Variants in ZNF75D observed in about 807,000 individuals in gnomAD.
ZNF75D encodes the protein zinc finger protein 75.
Under a neutral mutation model 33.3 loss-of-function variants are expected in ZNF75D, and 33 were observed. That is an observed-to-expected ratio of 0.99 (90% CI 0.75 to 1.32). The LOEUF (loss-of-function observed/expected upper bound fraction) is 1.32. Among genes scored for constraint, ZNF75D ranks in the 40% most tolerant of loss-of-function variants. The pLI is 0.00. For synonymous variants in ZNF75D, 113 were observed against 130.6 expected, an observed-to-expected ratio of 0.87 and a Z score of 0.92; for missense variants, 338 against 367.5, an observed-to-expected ratio of 0.92 and a Z score of 0.66.
At chrX:135,265,219 C>CAA (rs559739170) in intron 1 of ZNF75D, among the ~76,000 whole-genome samples, 2 of 48,690 alleles carry the variant, frequency 4.1e-5, no homozygotes. Context: ...AACTCTGTCT[C>CAA]AAAAAAAAAA....
chrX:135,328,114 T>C (rs902424468), intron 1 of ZNF75D, among the ~76,000 whole-genome samples: 5 of 111,872 alleles, frequency 4.5e-5, no homozygotes, highest in Non-Finnish European at 9.4e-5. Flanking sequence ...CTTTGTGTTT[T>C]TTATAGTGCT....
intron 1 of ZNF75D, among the ~76,000 whole-genome samples, chrX:135,340,281 C>T (rs1208269339): frequency 1.8e-5 from 2 of 112,196 alleles, no homozygotes; most frequent in Non-Finnish European, 3.8e-5. Flanking sequence ...TTATGGGTAT[C>T]ATTTTTAATC....
chrX:135,294,082 C>T lies in ZNF75D; in HGVS notation c.59G>A (p.Trp20Ter). Residue 20 changes from tryptophan (W) to a stop codon, truncating the protein, a stop_gained, in exon 3 of 7, where the codon TGG (tryptophan) becomes TAG (stop). Transcript: ENST00000370766. LOFTEE classifies it high-confidence loss of function. ...CTCTTTCACAGACCCACTAGTCTCCCACATAGCCCCCATCTGGGGGCTTGA... is the reference window on the plus strand; with the variant it reads ...CTCTTTCACAGACCCACTAGTCTCCTACATAGCCCCCATCTGGGGGCTTGA... ...SCSSPQMGAMWETSGSVKENS... is the reference protein window; with the variant it reads ...SCSSPQMGAM The T allele has an allele frequency of 8.3e-7, 1 of 1,207,213 alleles. No individual in the cohort carries two copies. The highest frequency in any genetic ancestry group is 1.7e-5 in the African/African-American group (1 of 57,621).
chrX:135,306,361 A>G (rs1469290599), intron 1 of ZNF75D, among the ~76,000 whole-genome samples: 1 of 109,669 alleles, frequency 9.1e-6, no homozygotes, highest in Non-Finnish European at 1.9e-5. Flanking sequence ...CTTTGTGACA[A>G]TTTGTGATTT....
At chrX:135,272,306 G>C (rs1340113216) in intron 1 of ZNF75D, among the ~76,000 whole-genome samples, 2 of 101,892 alleles carry the variant, frequency 2.0e-5, no homozygotes, top group African/African-American at 7.2e-5. Context: ...AGATTTTCCA[G>C]ATCTCCTTTT....
chrX:135,278,234 T>C (rs1229889144), intron 1 of ZNF75D, among the ~76,000 whole-genome samples: 1 of 111,516 alleles, frequency 9.0e-6, no homozygotes, highest in Non-Finnish European at 1.9e-5. Context: ...TCCTAGGTAT[T>C]TTATTCTCTT....
At chrX:135,332,667 A>G (rs1364252589) in intron 1 of ZNF75D, among the ~76,000 whole-genome samples, 1 of 112,329 alleles carries the variant, frequency 8.9e-6, no homozygotes, top group African/African-American at 3.2e-5. Context: ...AGTTTGTTAC[A>G]TACAAAGATA....
intron 1 of ZNF75D, among the ~76,000 whole-genome samples, chrX:135,337,324 C>T (rs2084724961): frequency 9.0e-6 from 1 of 111,130 alleles, no homozygotes; most frequent in Admixed American, 9.6e-5. Flanking sequence ...TAAGTGCATT[C>T]TTTCTGATTA....
At chrX:135,269,664 C>T (rs782777728) in intron 1 of ZNF75D, among the ~76,000 whole-genome samples, 3 of 111,104 alleles carry the variant, frequency 2.7e-5, no homozygotes, top group East Asian at 2.8e-4. Flanking sequence ...TAAATTACTA[C>T]AACTGCCATA....
At chrX:135,301,244 C>T (rs1556424575) in intron 1 of ZNF75D, among the ~76,000 whole-genome samples, 3 of 111,609 alleles carry the variant, frequency 2.7e-5, no homozygotes, top group South Asian at 7.5e-4. Context: ...TTCCCTCACT[C>T]AACATATGGG....
At chrX:135,311,543 T>C (rs1209595800) in intron 1 of ZNF75D, among the ~76,000 whole-genome samples, 2 of 112,764 alleles carry the variant, frequency 1.8e-5, no homozygotes, top group Non-Finnish European at 3.8e-5. Context: ...CATTTTTTTG[T>C]GTATGGTGAG....
In ZNF75D at chrX:135,286,467, A is replaced by G. The variant is rs1342672766; in HGVS notation, c.*670T>C. ...AAAGTCAGCAAGAGGAGAGATATCA[A>G]GTGCTTGCAAGGTCCCTAGGCCTGT... On this transcript the variant is annotated 3_prime_UTR_variant, in exon 7 of 7. Coordinates refer to ENST00000370766, the MANE Select transcript of ZNF75D (RefSeq NM_007131.5). 1.8e-5 allele frequency: 2 copies of G among 112,437 alleles called. No individual in the cohort carries two copies. Among genetic ancestry groups the G allele is most frequent in the Non-Finnish European group, 3.8e-5 (2 of 53,291 alleles). The allele number at this position is 112,437 out of a possible 1,213,427, so 9.3% of individuals were successfully genotyped here. A position where few individuals can be genotyped will look rare whatever the true frequency, so the allele number is the denominator to read the frequency against.
chrX:135,339,556 G>A (rs942729454), intron 1 of ZNF75D, among the ~76,000 whole-genome samples: 9 of 112,099 alleles, frequency 8.0e-5, no homozygotes, highest in East Asian at 5.6e-4. Context: ...ATTATGCTCC[G>A]GAATTCCCAA....
chrX:135,268,766 C>T (rs2083871765), intron 1 of ZNF75D, among the ~76,000 whole-genome samples: 1 of 111,068 alleles, frequency 9.0e-6, no homozygotes, highest in Admixed American at 9.6e-5. Context: ...GTTTATGGAA[C>T]CACAAAAGAC....
intron 1 of ZNF75D, among the ~76,000 whole-genome samples, chrX:135,269,783 A>G (rs782551215): frequency 8.9e-6 from 1 of 112,167 alleles, no homozygotes; most frequent in South Asian, 3.7e-4. Flanking sequence ...TCAAAGAGAT[A>G]TCGGCACTCC....
chrX:135,281,540 T>C (rs782262720), downstream of ZNF75D, among the ~76,000 whole-genome samples: 14 of 110,864 alleles, frequency 1.3e-4, no homozygotes, highest in Non-Finnish European at 2.3e-4. Context: ...TGGCGAGGAG[T>C]TGTGGTCCTT....
At chrX:135,260,428 CT>C (rs144145930) in intron 1 of ZNF75D, among the ~76,000 whole-genome samples, 30,515 of 110,188 alleles carry the variant, frequency 0.28, 4,138 homozygotes, top group Non-Finnish European at 0.41. Flanking sequence ...TGGTCCTGGC[CT>C]TTTTTTGGTT....
chrX:135,322,188 A>G, intron 1 of ZNF75D, among the ~76,000 whole-genome samples: 1 of 112,308 alleles, frequency 8.9e-6, no homozygotes. Context: ...TACTTTATTC[A>G]TCCATTGTTG....
At chrX:135,301,517 T>C (rs2084218320) in intron 1 of ZNF75D, among the ~76,000 whole-genome samples, 1 of 112,259 alleles carries the variant, frequency 8.9e-6, no homozygotes, top group Admixed American at 9.4e-5. Flanking sequence ...ACCATGGGGA[T>C]ATAGGCGTTG....
Sources: allele counts gnomAD v4.1 joint callset (sites outside exome capture counted in the v4.1 genomes callset), GRCh38; gene constraint gnomAD v4.1.1; transcripts MANE v1.5; gene names NCBI Gene and HGNC (gene_info 2026-07-23, HGNC 2026-07-21).